The following CDH4 variants were observed in gnomAD, a reference collection of about 807,000 sequenced individuals.
CDH4 encodes the protein cadherin-4.
Under a neutral mutation model 86.0 loss-of-function variants are expected in CDH4, and 33 were observed. The ratio of observed to expected loss-of-function variants is 0.38; its 90% CI spans 0.29 to 0.51. The LOEUF (loss-of-function observed/expected upper bound fraction) is 0.51. Ranked by LOEUF, CDH4 falls within the 20% of genes least tolerant of loss-of-function variation. The pLI is 0.86. For missense variants in CDH4, 1,114 were observed against 1,307.4 expected (o/e 0.85, Z 2.28); for synonymous variants, 555 against 549.4 (o/e 1.01, Z -0.14).
intron 2 of CDH4, among the ~76,000 whole-genome samples, chr20:61,445,758 G>A (rs2085346353): frequency 6.6e-6 from 1 of 152,238 alleles, no homozygotes; most frequent in East Asian, 1.9e-4. Flanking sequence ...CAGCATTAAA[G>A]GTAGAGACTT....
chr20:61,307,595 C>G (rs189622404), intron 2 of CDH4, among the ~76,000 whole-genome samples: 50 of 152,384 alleles, frequency 3.3e-4, no homozygotes, highest in African/African-American at 1.1e-3. Context: ...GAAGTCCCTG[C>G]CCCATCCACC....
intron 7 of CDH4, among the ~76,000 whole-genome samples, chr20:61,877,579 CGTCT>C (rs1157244127): frequency 6.6e-6 from 1 of 152,120 alleles, no homozygotes; most frequent in Non-Finnish European, 1.5e-5. Context: ...CGGGAGGCCC[CGTCT>C]GGTGCATCTC....
chr20:61,896,108 A>T (rs1448626404), intron 8 of CDH4, among the ~76,000 whole-genome samples: 1 of 152,212 alleles, frequency 6.6e-6, no homozygotes, highest in Admixed American at 6.5e-5. Flanking sequence ...TGACAGTGGC[A>T]CACCAGCTGC....
intron 2 of CDH4, among the ~76,000 whole-genome samples, chr20:61,646,813 A>T (rs949214568): frequency 6.6e-6 from 1 of 152,254 alleles, no homozygotes; most frequent in Non-Finnish European, 1.5e-5. Flanking sequence ...ACCACAGGAA[A>T]GCTTTTGCTA....
chr20:61,548,944 T>C (rs1600748969), intron 2 of CDH4, among the ~76,000 whole-genome samples: 1 of 151,718 alleles, frequency 6.6e-6, no homozygotes, highest in Non-Finnish European at 1.5e-5. Flanking sequence ...GTGCAAGTCA[T>C]GTATCTTGTT....
At chr20:61,667,428 G>A (rs2087339164) in intron 2 of CDH4, among the ~76,000 whole-genome samples, 2 of 152,272 alleles carry the variant, frequency 1.3e-5, no homozygotes, top group East Asian at 1.9e-4. Flanking sequence ...GGGGTTGCAT[G>A]TCAAAGGTCA....
chr20:61,600,005 G>A, intron 2 of CDH4: 1 of 938,642 alleles, frequency 1.1e-6, no homozygotes, highest in Middle Eastern at 5.5e-4. Context: ...CCGTGCTAAT[G>A]ATGGGGAAAG....
rs377384147 is a variant in CDH4, at chr20:61,771,499, C to T, written c.397-1504C>T. On this transcript the variant is annotated intron_variant, in intron 3 of 15. Coordinates refer to ENST00000614565, the MANE Select transcript of CDH4 (RefSeq NM_001794.5). ...ATTAGCCAGATGTGGTGGCGGTCTC[C>T]TGTAATCCCAGCTACTCAGGAGGCT... Among the ~76,000 whole-genome samples the T allele has an allele frequency of 4.6e-5, 7 of 151,822 alleles. No individual in the cohort carries two copies. The East Asian group carries it at 1.4e-3, about 30-fold the overall frequency.
chr20:61,929,159 C>CCT, intron 12 of CDH4, among the ~76,000 whole-genome samples: 1 of 148,584 alleles, frequency 6.7e-6, no homozygotes, highest in South Asian at 2.1e-4. Flanking sequence ...TCTCCAATGT[C>CCT]TTTTTTTTTT....
chr20:61,484,951 C>T (rs1438471276), intron 2 of CDH4, among the ~76,000 whole-genome samples: 1 of 152,166 alleles, frequency 6.6e-6, no homozygotes. Context: ...GTGTTTTCTC[C>T]TGGGGCTAGG....
intron 6 of CDH4, among the ~76,000 whole-genome samples, chr20:61,868,940 T>A (rs1983674673): frequency 6.6e-6 from 1 of 152,070 alleles, no homozygotes; most frequent in African/African-American, 2.4e-5. Context: ...CAGGCTGTGG[T>A]GGACACACAC....
At chr20:61,696,431 G>A (rs2087715543) in intron 2 of CDH4, among the ~76,000 whole-genome samples, 2 of 152,238 alleles carry the variant, frequency 1.3e-5, no homozygotes, top group Non-Finnish European at 2.9e-5. Flanking sequence ...GGGAATGGAT[G>A]TGAAAGTGTG....
At chr20:61,744,974 T>G (rs1292073315) in intron 3 of CDH4, among the ~76,000 whole-genome samples, 1 of 152,232 alleles carries the variant, frequency 6.6e-6, no homozygotes, top group Non-Finnish European at 1.5e-5. Context: ...AAGGCCAGCC[T>G]GCAGGTCCAG....
intron 2 of CDH4, among the ~76,000 whole-genome samples, chr20:61,588,757 G>A (rs1353481109): frequency 2.0e-5 from 3 of 152,142 alleles, no homozygotes; most frequent in East Asian, 3.8e-4. Flanking sequence ...TTTGGCCTCC[G>A]ATTCCGTTCT....
At chr20:61,794,007 G>C (rs1358558674) in intron 4 of CDH4, among the ~76,000 whole-genome samples, 1 of 151,020 alleles carries the variant, frequency 6.6e-6, no homozygotes, top group Non-Finnish European at 1.5e-5. Context: ...GCTGGGCGTG[G>C]TGGCGGGCAC....
At chr20:61,899,140 A>G (rs536827311) in intron 8 of CDH4, among the ~76,000 whole-genome samples, 11 of 152,040 alleles carry the variant, frequency 7.2e-5, no homozygotes, top group Middle Eastern at 3.4e-3. Flanking sequence ...CTAAAAATAT[A>G]TATTTTAAAA....
chr20:61,421,457 A>T (rs751770627), intron 2 of CDH4, among the ~76,000 whole-genome samples: 1 of 152,180 alleles, frequency 6.6e-6, no homozygotes. Flanking sequence ...ATTGATAGGA[A>T]ATGCAAAACA....
chr20:61,830,696 G>A (rs1048308064), intron 4 of CDH4, among the ~76,000 whole-genome samples: 2 of 152,226 alleles, frequency 1.3e-5, no homozygotes, highest in Non-Finnish European at 2.9e-5. Flanking sequence ...TTCTTCCCCC[G>A]AGGCCAGAAT....
chr20:61,524,256 T>C (rs750110710), intron 2 of CDH4, among the ~76,000 whole-genome samples: 2 of 152,142 alleles, frequency 1.3e-5, no homozygotes, highest in East Asian at 3.9e-4. Flanking sequence ...ACACAGTCAC[T>C]CTCGAGTCAT....
Sources: allele counts gnomAD v4.1 joint callset (sites outside exome capture counted in the v4.1 genomes callset), GRCh38; gene constraint gnomAD v4.1.1; transcripts MANE v1.5; gene names NCBI Gene and HGNC (gene_info 2026-07-23, HGNC 2026-07-21).